The following EMX1 variants were observed in gnomAD, a reference collection of about 807,000 sequenced individuals.
EMX1 encodes the protein empty spiracles homeobox 1.
Under a neutral mutation model 20.1 loss-of-function variants are expected in EMX1, and 10 were observed. The ratio of observed to expected loss-of-function variants is 0.50; its 90% CI spans 0.31 to 0.84. The LOEUF is 0.84. Among genes scored for constraint, EMX1 ranks in the 40% least tolerant of loss-of-function variants. The pLI, the probability that EMX1 is intolerant of heterozygous loss-of-function variation, is 0.05. For missense variants in EMX1, 424 were observed against 431.9 expected (o/e 0.98, Z 0.16); for synonymous variants, 250 against 200.4 (o/e 1.25, Z -2.09).
intron 2 of EMX1, among the ~76,000 whole-genome samples, chr2:72,926,857 A>G (rs78010282): frequency 6.7e-4 from 102 of 152,186 alleles, no homozygotes; most frequent in African/African-American, 2.5e-3. Context: ...TGTTGCCCTC[A>G]TAACTTATCA....
intron 1 of EMX1, among the ~76,000 whole-genome samples, chr2:72,919,856 T>G (rs1271486003): frequency 2.0e-5 from 3 of 152,254 alleles, no homozygotes; most frequent in Non-Finnish European, 4.4e-5. Context: ...TGTTTACTGA[T>G]AACATGAGGA....
intron 1 of EMX1, among the ~76,000 whole-genome samples, chr2:72,922,665 T>A (rs1247250934): frequency 6.6e-6 from 1 of 152,252 alleles, no homozygotes; most frequent in Non-Finnish European, 1.5e-5. Context: ...AAACTTGGCT[T>A]CTTTAGGTAA....
intron 1 of EMX1, chr2:72,923,314 TACAC>T (rs1260722262): frequency 6.6e-6 from 1 of 152,202 alleles, no homozygotes; most frequent in Non-Finnish European, 1.5e-5. Context: ...AACATATATT[TACAC>T]ACGCCCATGC....
At chr2:72,919,280 C>T (rs1324342404) in intron 1 of EMX1, among the ~76,000 whole-genome samples, 2 of 151,512 alleles carry the variant, frequency 1.3e-5, no homozygotes, top group East Asian at 1.9e-4. Flanking sequence ...TCGTTTTCTT[C>T]CTTGAAATTT....
intron 2 of EMX1, among the ~76,000 whole-genome samples, chr2:72,931,420 G>A (rs1671284448): frequency 6.6e-6 from 1 of 152,186 alleles, no homozygotes; most frequent in Non-Finnish European, 1.5e-5. Context: ...AGTCACCTTC[G>A]GCCAGCCCAC....
rs555230411 is a variant in EMX1, at chr2:72,926,703, C to T, written c.705+2210C>T. Among the ~76,000 whole-genome samples the T allele has an allele frequency of 2.6e-5, 4 of 152,174 alleles. No homozygotes were observed. In the South Asian group the frequency reaches 8.3e-4, roughly 31 times the overall value. ...TGATTAAAGGTACCTCATATGAGCT[C>T]AAATAATATTAATCCCCATCCCTAG... On this transcript the variant is annotated intron_variant, in intron 2 of 2. Transcript: ENST00000258106.
intron 2 of EMX1, among the ~76,000 whole-genome samples, chr2:72,931,110 CCTG>C (rs1358546695): frequency 6.6e-6 from 1 of 152,066 alleles, no homozygotes; most frequent in Non-Finnish European, 1.5e-5. Flanking sequence ...GGTTTATGTC[CCTG>C]CCTCTAGAGA....
upstream of EMX1, chr2:72,917,498 A>T: frequency 5.4e-6 from 1 of 183,860 alleles, no homozygotes; most frequent in Non-Finnish European, 1.1e-5. Context: ...CCAATGGGCG[A>T]GCGCGGGGCA....
chr2:72,928,532 G>T (rs373128689), intron 2 of EMX1, among the ~76,000 whole-genome samples: 2 of 152,148 alleles, frequency 1.3e-5, no homozygotes, highest in Non-Finnish European at 2.9e-5. Context: ...TTAGTTTTAG[G>T]GGGAGTGAGA....
In EMX1 at chr2:72,918,189, G is replaced by T; in HGVS notation, c.337G>T (p.Gly113Cys). 2.6e-6 allele frequency: 4 copies of T among 1,551,384 alleles called. No homozygotes were observed. Among genetic ancestry groups the T allele is most frequent in the Non-Finnish European group, 2.6e-6 (3 of 1,161,968 alleles). The change falls in exon 1 of 3, where the codon GGT (glycine) becomes TGT (cysteine). Residue 113 changes from glycine to cysteine, a missense_variant. Coordinates refer to ENST00000258106, the MANE Select transcript of EMX1 (RefSeq NM_004097.3). ...CGCGGGCGCGGGCCGCTCGCTCTAC[G>T]GTGGGCCCGAGCTCGTGTTCCCCGA... is the stretch of plus-strand genomic sequence containing the variant. ...AAAGAGRSLY[G>C]GPELVFPEAM...
intron 2 of EMX1, among the ~76,000 whole-genome samples, chr2:72,926,808 TCCTC>T (rs1671208170): frequency 6.6e-6 from 1 of 152,176 alleles, no homozygotes; most frequent in Non-Finnish European, 1.5e-5. Context: ...CCAGCGTTCT[TCCTC>T]CCTTATGCAG....
Position 72,917,633 on chromosome 2 carries a change from G to C in EMX1, c.-220G>C, listed in dbSNP as rs949083625. Reference sequence around the variant, plus strand: ...AAGGAGGGAGACGAGCTCAACCCTCGGGCCTTACTGGCAGCTCGCAGCCTA... The same window carrying C: ...AAGGAGGGAGACGAGCTCAACCCTCCGGCCTTACTGGCAGCTCGCAGCCTA... On this transcript the variant is annotated 5_prime_UTR_variant, in exon 1 of 3. Transcript: ENST00000258106. 7.1e-4 allele frequency: 180 copies of C among 253,284 alleles called. No individual in the cohort carries two copies. The highest frequency in any genetic ancestry group is 9.2e-5 in the East Asian group (1 of 10,818). 15.7% of individuals were successfully genotyped at this position (253,284 alleles called of 1,614,324 possible).
intron 2 of EMX1, among the ~76,000 whole-genome samples, chr2:72,927,741 G>A (rs1671227908): frequency 6.6e-6 from 1 of 152,210 alleles, no homozygotes; most frequent in Admixed American, 6.5e-5. Flanking sequence ...CAGAGGCCAA[G>A]CCTGTCTGTT....
chr2:72,927,337 T>C (rs1671221833), intron 2 of EMX1, among the ~76,000 whole-genome samples: 1 of 152,228 alleles, frequency 6.6e-6, no homozygotes, highest in Admixed American at 6.5e-5. Context: ...TTGTCTTCTC[T>C]CTGGGTCTGG....
intron 2 of EMX1, chr2:72,926,393 A>G: frequency 2.8e-6 from 2 of 718,976 alleles, no homozygotes; most frequent in Non-Finnish European, 3.4e-6. Context: ...TGCTTCATTA[A>G]CTATCAAAAC....
In EMX1 at chr2:72,918,030, G is replaced by T; in HGVS notation, c.178G>T (p.Gly60Cys). The change falls in exon 1 of 3, where the codon GGC becomes TGC. Residue 60 changes from glycine to cysteine, a missense_variant. Coordinates refer to ENST00000258106, the MANE Select transcript of EMX1 (RefSeq NM_004097.3). The stretch of plus-strand genomic sequence containing the variant: ...GGACGGCGGCACCGGCGGGGGCACT[G>T]GCGGCGGGGGCGCGGGCTCCCATCT... ...AKDGGTGGGT[G>C]GGGAGSHLLA... 2 of 1,420,358 alleles carry T rather than the reference G, an allele frequency of 1.4e-6. No individual in the cohort carries two copies. The highest frequency in any genetic ancestry group is 1.5e-5 in the South Asian group (1 of 67,306). The allele number at this position is 1,420,358 out of a possible 1,614,324, so 88.0% of individuals were successfully genotyped here.
Position 72,924,505 on chromosome 2 carries a change from C to G in EMX1, c.705+12C>G, listed in dbSNP as rs1397517835. ...TCTCCGAGACGCAGGTAATCACCCC[C>G]GGTCGCGGCCTGCCCTGCGCCCGGA... On this transcript the variant is annotated intron_variant, in intron 2 of 2. Coordinates refer to ENST00000258106, the MANE Select transcript of EMX1 (RefSeq NM_004097.3). 2 of 1,565,484 alleles carry G rather than the reference C, an allele frequency of 1.3e-6. No homozygotes were observed. The highest frequency in any genetic ancestry group is 1.3e-5 in the African/African-American group (1 of 74,432).
intron 2 of EMX1, 126 bp downstream of exon 2, chr2:72,924,619 C>A: frequency 8.6e-7 from 1 of 1,169,518 alleles, no homozygotes; most frequent in Non-Finnish European, 1.2e-6. Context: ...GGCCCCCATT[C>A]CCCGCGGCGC....
intron 1 of EMX1, among the ~76,000 whole-genome samples, chr2:72,919,306 T>C (rs1009529624): frequency 2.7e-5 from 4 of 147,984 alleles, no homozygotes; most frequent in Non-Finnish European, 6.0e-5. Flanking sequence ...AGTTTGTTTT[T>C]TTCTTTTCTT....
Sources: allele counts gnomAD v4.1 joint callset (sites outside exome capture counted in the v4.1 genomes callset), GRCh38; gene constraint gnomAD v4.1.1; transcripts MANE v1.5; gene names NCBI Gene and HGNC (gene_info 2026-07-23, HGNC 2026-07-21).